ATRNL1: variants seen among roughly 807,000 people sequenced by gnomAD.
ATRNL1 encodes attractin-like protein 1.
A neutral mutation model predicts 182.7 loss-of-function variants in ATRNL1; 95 were observed. The observed-to-expected ratio is 0.52, with a 90% CI of 0.44 to 0.62. The LOEUF (loss-of-function observed/expected upper bound fraction) is 0.62, where lower values mean the gene tolerates loss of function less well. ATRNL1 is among the 20% of genes least tolerant of loss of function. ATRNL1 has a pLI of 0.00. For missense variants in ATRNL1, 1,471 were observed against 1,679.5 expected, an observed-to-expected ratio of 0.88 and a Z score of 2.17; for synonymous variants, 576 against 568.3, an observed-to-expected ratio of 1.01 and a Z score of -0.19.
chr10:115,807,539 A>G (rs1188835275), intron 27 of ATRNL1, among the ~76,000 whole-genome samples: 1 of 152,216 alleles, frequency 6.6e-6, no homozygotes, highest in Non-Finnish European at 1.5e-5. Flanking sequence ...ATTTGGAAGA[A>G]TGTTAGCAAT....
chr10:115,418,850 G>A lies in ATRNL1; in HGVS notation c.3270-7400G>A, dbSNP rs145660702. ...ACCAAGAATACTATAGGCAGAAAAG[G>A]TGTATTTTAAAAATGAAGGAGAGAA... On this transcript the variant is annotated intron_variant, in intron 20 of 28. Transcript: ENST00000355044. 1.6e-4 allele frequency among the ~76,000 whole-genome samples: 24 copies of A among 152,230 alleles called. No homozygotes were observed. In the East Asian group the frequency reaches 4.4e-3, roughly 28 times the overall value.
At chr10:115,473,125 G>C (rs1476590284) in intron 24 of ATRNL1, among the ~76,000 whole-genome samples, 1 of 151,176 alleles carries the variant, frequency 6.6e-6, no homozygotes, top group Non-Finnish European at 1.5e-5. Flanking sequence ...CCTTCATTCT[G>C]TTAATGTGGT....
intron 25 of ATRNL1, among the ~76,000 whole-genome samples, chr10:115,530,941 C>G (rs1229332632): frequency 6.6e-6 from 1 of 151,926 alleles, no homozygotes; most frequent in African/African-American, 2.4e-5. Context: ...ATCCATGTCC[C>G]TACAAAGGGC....
chr10:115,310,290 A>G (rs914868660), intron 17 of ATRNL1, among the ~76,000 whole-genome samples: 3 of 152,114 alleles, frequency 2.0e-5, no homozygotes, highest in Non-Finnish European at 2.9e-5. Context: ...CATCAGGGAT[A>G]TTAGTCTGTA....
chr10:115,561,392 A>G (rs149276040), intron 26 of ATRNL1, among the ~76,000 whole-genome samples: 2 of 152,194 alleles, frequency 1.3e-5, no homozygotes, highest in Non-Finnish European at 2.9e-5. Flanking sequence ...CATGGTTTCC[A>G]CATCTGTGGA....
chr10:115,582,312 A>G (rs1592891562), intron 26 of ATRNL1, among the ~76,000 whole-genome samples: 1 of 146,732 alleles, frequency 6.8e-6, no homozygotes, highest in African/African-American at 2.5e-5. Flanking sequence ...TCCCTGAGGA[A>G]TCGCCACACT....
chr10:115,777,253 T>C (rs1555078191), intron 27 of ATRNL1, among the ~76,000 whole-genome samples: 1 of 152,212 alleles, frequency 6.6e-6, no homozygotes, highest in African/African-American at 2.4e-5. Context: ...TGACACCTAG[T>C]AAACATTCAA....
chr10:115,646,490 G>T (rs1555032509), intron 26 of ATRNL1, among the ~76,000 whole-genome samples: 1 of 152,110 alleles, frequency 6.6e-6, no homozygotes, highest in Non-Finnish European at 1.5e-5. Context: ...AGTGGAGAAG[G>T]CATCTGGTTC....
At chr10:115,775,090 TA>T (rs1369853348) in intron 27 of ATRNL1, among the ~76,000 whole-genome samples, 2 of 152,194 alleles carry the variant, frequency 1.3e-5, no homozygotes, top group African/African-American at 4.8e-5. Flanking sequence ...AGATGTCCAT[TA>T]AAAAACTTAT....
chr10:115,647,164 G>A (rs1372875870), intron 26 of ATRNL1, among the ~76,000 whole-genome samples: 1 of 152,070 alleles, frequency 6.6e-6, no homozygotes, highest in African/African-American at 2.4e-5. Context: ...ATTCCATGGT[G>A]TATATGTGCC....
intron 27 of ATRNL1, among the ~76,000 whole-genome samples, chr10:115,761,360 C>T (rs899722147): frequency 2.7e-4 from 41 of 152,024 alleles, no homozygotes; most frequent in East Asian, 1.9e-4. Context: ...AGACATTGGG[C>T]GAGGTAAGGA....
intron 9 of ATRNL1, among the ~76,000 whole-genome samples, chr10:115,230,047 C>A (rs1241190829): frequency 1.3e-5 from 2 of 152,084 alleles, no homozygotes; most frequent in Admixed American, 6.6e-5. Flanking sequence ...CTTTTCATTG[C>A]ATGTTTTTAC....
chr10:115,863,428 A>G (rs913949387), intron 28 of ATRNL1, among the ~76,000 whole-genome samples: 2 of 152,238 alleles, frequency 1.3e-5, no homozygotes, highest in Non-Finnish European at 1.5e-5. Context: ...AAACAGGAGC[A>G]TGGACCAGCA....
At chr10:115,604,294 C>T (rs1424750950) in intron 26 of ATRNL1, among the ~76,000 whole-genome samples, 1 of 152,040 alleles carries the variant, frequency 6.6e-6, no homozygotes, top group Non-Finnish European at 1.5e-5. Flanking sequence ...TGTTTTTGAA[C>T]TTTATTATGA....
At chr10:115,664,862 G>A (rs1426910211) in intron 26 of ATRNL1, among the ~76,000 whole-genome samples, 1 of 152,026 alleles carries the variant, frequency 6.6e-6, no homozygotes, top group Non-Finnish European at 1.5e-5. Flanking sequence ...AAAATCTACA[G>A]GATCAGGGTC....
intron 26 of ATRNL1, among the ~76,000 whole-genome samples, chr10:115,722,957 C>CA (rs1374129461): frequency 6.6e-6 from 1 of 152,190 alleles, no homozygotes; most frequent in Non-Finnish European, 1.5e-5. Context: ...TAATTAGAGT[C>CA]AGTTTTATCA....
chr10:115,481,040 T>G (rs1554974074), intron 24 of ATRNL1, among the ~76,000 whole-genome samples: 1 of 150,792 alleles, frequency 6.6e-6, no homozygotes, highest in East Asian at 1.9e-4. Flanking sequence ...TCATTAATTA[T>G]ATTTTGAAAT....
chr10:115,782,538 A>C (rs1187613343), intron 27 of ATRNL1, among the ~76,000 whole-genome samples: 2 of 152,152 alleles, frequency 1.3e-5, no homozygotes, highest in Non-Finnish European at 2.9e-5. Context: ...GATTTCATTC[A>C]CCTGGCTATA....
intron 26 of ATRNL1, among the ~76,000 whole-genome samples, chr10:115,700,119 TACC>T (rs1555051036): frequency 6.6e-6 from 1 of 152,216 alleles, no homozygotes; most frequent in East Asian, 1.9e-4. Context: ...TCAATGTCTT[TACC>T]ATTGTGAATT....
Sources: allele counts gnomAD v4.1 joint callset (sites outside exome capture counted in the v4.1 genomes callset), GRCh38; gene constraint gnomAD v4.1.1; transcripts MANE v1.5; gene names NCBI Gene and HGNC (gene_info 2026-07-23, HGNC 2026-07-21).